Variants in ASPH observed in about 807,000 individuals in gnomAD.
ASPH encodes aspartate beta-hydroxylase, also known as aspartyl/asparaginyl beta-hydroxylase.
A neutral mutation model predicts 118.4 loss-of-function variants in ASPH; 100 were observed. The ratio of observed to expected loss-of-function variants is 0.84; its 90% confidence interval spans 0.72 to 1.00. ASPH has a LOEUF of 1.00. Among genes scored for constraint, ASPH ranks in the 50% least tolerant of loss-of-function variants. The probability of loss-of-function intolerance (pLI) is 0.00; values close to 1 mark genes in which losing one functional copy is unlikely to be tolerated. For missense variants in ASPH, 920 were observed against 919.5 expected, an observed-to-expected ratio of 1.00 and a Z score of -0.01; for synonymous variants, 315 against 325.6, an observed-to-expected ratio of 0.97 and a Z score of 0.35.
chr8:61,503,511 TG>T lies in ASPH; in HGVS notation c.2127-3del. The stretch of plus-strand genomic sequence containing the variant: ...AGCACCTTGCCTTCCTCCCAGGTCC[TG>T]CAGCAGAAAGACAAGGATTCCTGAA... On this transcript the variant is annotated splice_polypyrimidine_tract_variant and splice_region_variant and intron_variant, in intron 24 of 24. Transcript: ENST00000379454. 6.2e-7 allele frequency: 1 copy of T among 1,609,804 alleles called. No homozygotes were observed. The highest frequency in any genetic ancestry group is 1.7e-5 in the Admixed American group (1 of 59,654).
At chr8:61,635,920 T>G (rs1273654517) in intron 12 of ASPH, among the ~76,000 whole-genome samples, 3 of 152,172 alleles carry the variant, frequency 2.0e-5, no homozygotes, top group Non-Finnish European at 1.5e-5. Context: ...CTTTCACATC[T>G]AAAACAAAAA....
At chr8:61,689,834 G>GA (rs1446907294) in intron 1 of ASPH, 6 of 1,409,402 alleles carry the variant, frequency 4.3e-6, no homozygotes, top group Non-Finnish European at 5.6e-6. Context: ...CACTGTAAGG[G>GA]CCTCTAGAAC....
intron 16 of ASPH, among the ~76,000 whole-genome samples, chr8:61,574,127 G>A (rs1184416435): frequency 2.0e-5 from 3 of 152,196 alleles, no homozygotes; most frequent in Non-Finnish European, 4.4e-5. Context: ...TTAGAGAAAT[G>A]CAAATCAAAA....
intron 3 of ASPH, chr8:61,661,887 T>C: frequency 2.2e-6 from 1 of 446,454 alleles, no homozygotes; most frequent in Non-Finnish European, 4.0e-6. Flanking sequence ...TCTCTCATTG[T>C]GAAATTTTGA....
chr8:61,698,900 G>C (rs1038392197), intron 1 of ASPH, among the ~76,000 whole-genome samples: 2 of 152,220 alleles, frequency 1.3e-5, no homozygotes, highest in Admixed American at 1.3e-4. Flanking sequence ...AACAATGGCT[G>C]CAACTAAAAA....
intron 13 of ASPH, chr8:61,625,568 TAAC>T: frequency 7.1e-6 from 7 of 984,848 alleles, no homozygotes; most frequent in Non-Finnish European, 8.4e-6. Flanking sequence ...CCTTGTGTCT[TAAC>T]AAGGAATTTC....
intron 3 of ASPH, chr8:61,664,149 T>A: frequency 1.0e-6 from 1 of 964,226 alleles, no homozygotes; most frequent in Non-Finnish European, 1.2e-6. Flanking sequence ...AGGCACAGAA[T>A]AGTACAAACC....
chr8:61,610,236 T>C (rs981757451), intron 14 of ASPH, among the ~76,000 whole-genome samples: 1 of 152,222 alleles, frequency 6.6e-6, no homozygotes, highest in Non-Finnish European at 1.5e-5. Context: ...ATTGTTGTCC[T>C]GTGGTGTGTT....
At chr8:61,685,877 T>G (rs991184831) in intron 1 of ASPH, among the ~76,000 whole-genome samples, 1 of 151,820 alleles carries the variant, frequency 6.6e-6, no homozygotes, top group Non-Finnish European at 1.5e-5. Context: ...CAAGGGATTC[T>G]CCTGCTTCAG....
At chr8:61,646,597 G>GA (rs1808098841) in intron 6 of ASPH, among the ~76,000 whole-genome samples, 153 bp downstream of exon 6, 1 of 152,040 alleles carries the variant, frequency 6.6e-6, no homozygotes, top group Non-Finnish European at 1.5e-5. Context: ...TCTATTTTAA[G>GA]AAAAAATTTG....
At chr8:61,680,573 C>G (rs2151612690) in intron 3 of ASPH, 1 of 152,680 alleles carries the variant, frequency 6.5e-6, no homozygotes, top group East Asian at 1.9e-4. Context: ...TTATGTAAGC[C>G]TGTAGAAATT....
intron 21 of ASPH, among the ~76,000 whole-genome samples, chr8:61,537,042 GA>G (rs971926256): frequency 3.3e-5 from 5 of 152,322 alleles, no homozygotes; most frequent in African/African-American, 1.2e-4. Flanking sequence ...AGAGGAAGGA[GA>G]AAAGATAATC....
intron 1 of ASPH, among the ~76,000 whole-genome samples, chr8:61,687,069 C>G (rs1417721497): frequency 6.6e-6 from 1 of 151,576 alleles, no homozygotes; most frequent in African/African-American, 2.4e-5. Flanking sequence ...CCAGCCTGGG[C>G]AACAAAGCAA....
At chr8:61,549,944 G>A (rs1825294096) in intron 20 of ASPH, among the ~76,000 whole-genome samples, 1 of 152,182 alleles carries the variant, frequency 6.6e-6, no homozygotes, top group African/African-American at 2.4e-5. Context: ...CGACATGCTA[G>A]ATGTCTGGGC....
intron 24 of ASPH, chr8:61,517,230 T>C (rs1811238132): frequency 3.1e-6 from 1 of 322,456 alleles, no homozygotes; most frequent in East Asian, 5.3e-5. Flanking sequence ...TCAATGCATG[T>C]TGGCTGACTC....
Position 61,525,985 on chromosome 8 carries a change from C to T in ASPH, c.1892G>A (p.Trp631Ter), listed in dbSNP as rs775890030. ...EKGDWSQFTL[W>*]QQGRRNENAC... ...AGAAGTCAGAAACTCACCTTGCTGC[C>T]ACAGCGTGAACTGGCTCCAGTCCCC... Residue 631 changes from tryptophan (W) to a stop codon, truncating the protein, a stop_gained, in exon 22 of 25, where the codon TGG (tryptophan) becomes TAG (stop). Transcript: ENST00000379454. LOFTEE classifies it high-confidence loss of function. 4 of 1,613,834 alleles carry T rather than the reference C, an allele frequency of 2.5e-6. No individual in the cohort carries two copies. In the Admixed American group the frequency reaches 5.0e-5, roughly 20 times the overall value.
intron 13 of ASPH, among the ~76,000 whole-genome samples, chr8:61,629,921 G>C (rs949686723): frequency 3.3e-5 from 5 of 152,182 alleles, no homozygotes; most frequent in African/African-American, 1.2e-4. Flanking sequence ...CCTGGGGAAG[G>C]TTACTTGGCC....
At chr8:61,511,835 C>T (rs1563642760) in intron 24 of ASPH, among the ~76,000 whole-genome samples, 1 of 152,106 alleles carries the variant, frequency 6.6e-6, no homozygotes, top group Non-Finnish European at 1.5e-5. Flanking sequence ...AACTCCTGAC[C>T]TCAAGTGATC....
At chr8:61,581,396 T>A (rs1288091038) in intron 15 of ASPH, among the ~76,000 whole-genome samples, 4 of 152,242 alleles carry the variant, frequency 2.6e-5, no homozygotes, top group Non-Finnish European at 5.9e-5. Context: ...CCAAGACAGT[T>A]CATGGGAGAG....
Sources: gnomAD v4.1 joint callset for allele counts (sites outside exome capture counted in the v4.1 genomes callset) on GRCh38, gnomAD v4.1.1 for gene constraint, MANE v1.5 for transcripts, NCBI Gene and HGNC (gene_info 2026-07-23, HGNC 2026-07-21) for gene names.